PHACTR2: variants seen among roughly 807,000 people sequenced by gnomAD.
The protein encoded by PHACTR2 is phosphatase and actin regulator 2.
Under a neutral mutation model 76.0 loss-of-function variants are expected in PHACTR2, and 30 were observed. The observed-to-expected ratio is 0.39, with a 90% CI of 0.30 to 0.54. The LOEUF (loss-of-function observed/expected upper bound fraction) is 0.54. Among genes scored for constraint, PHACTR2 ranks in the 20% least tolerant of loss-of-function variants. PHACTR2 has a pLI of 0.61. For missense variants in PHACTR2, 696 were observed against 781.1 expected, an observed-to-expected ratio of 0.89 and a Z score of 1.30; for synonymous variants, 292 against 292.5, an observed-to-expected ratio of 1.00 and a Z score of 0.02.
rs76916052 is a variant in PHACTR2, at chr6:143,696,738, A to G, written c.47-15278A>G. On this transcript the variant is annotated intron_variant, in intron 1 of 12. Transcript: ENST00000440869. This position sits in a 1 kb window ranked among gnomAD's most constrained non-coding sequence, Gnocchi z 4.1. ...ACGCAAAGTCATATCAGGGTGACAC[A>G]TAGCTAAAGAGTTAAACAAAACAAA... Among the ~76,000 whole-genome samples the G allele has an allele frequency of 0.024, 3,619 of 152,302 alleles. 161 individuals carry two copies. The highest frequency in any genetic ancestry group is 0.082 in the African/African-American group (3,390 of 41,552).
rs531068104 is a variant in PHACTR2 at position 143,739,683 on chromosome 6, GA to G, written c.215-9301del. Among the ~76,000 whole-genome samples the G allele has an allele frequency of 5.3e-3, 802 of 152,280 alleles. 6 individuals carry two copies. The highest frequency in any genetic ancestry group is 0.018 in the African/African-American group (765 of 41,540). Reference sequence around the variant, plus strand: ...AATCTTCGCTTCTAATTACTCTCCTGAGATTGCTTGTACTTCCTGGCCCTTC... The same window carrying G: ...AATCTTCGCTTCTAATTACTCTCCTGGATTGCTTGTACTTCCTGGCCCTTC... On this transcript the variant is annotated intron_variant, in intron 2 of 12. Transcript: ENST00000440869. The surrounding 1 kb of genome is among the most constrained non-coding windows in gnomAD (Gnocchi z 4.3).
intron 11 of PHACTR2, among the ~76,000 whole-genome samples, chr6:143,790,992 C>T (rs1159269996): frequency 1.3e-5 from 2 of 152,166 alleles, no homozygotes; most frequent in African/African-American, 4.8e-5. Flanking sequence ...GATTCTTAAA[C>T]TTAATACAGT....
rs1348567434 is a variant in PHACTR2 at position 143,598,429 on chromosome 6, A to G, written c.217+61222A>G. The stretch of plus-strand genomic sequence containing the variant: ...TTCAGAACACCTTGATTTGAGCCCT[A>G]CAAGATAAGACTAATTTTGGATTTC... On this transcript the variant is annotated intron_variant, in intron 1 of 11. Coordinates refer to the PHACTR2 transcript ENST00000367584. This position sits in a 1 kb window ranked among gnomAD's most constrained non-coding sequence, Gnocchi z 4.1. Among the ~76,000 whole-genome samples the G allele has an allele frequency of 6.6e-6, 1 of 152,244 alleles. No individual in the cohort carries two copies. Among genetic ancestry groups the G allele is most frequent in the African/African-American group, 2.4e-5 (1 of 41,466 alleles).
chr6:143,563,099 T>C (rs1490270933), intron 1 of PHACTR2, among the ~76,000 whole-genome samples: 7 of 152,222 alleles, frequency 4.6e-5, no homozygotes, highest in Non-Finnish European at 8.8e-5. Context: ...AAATGGTTGA[T>C]GTAGTAAATT....
rs1776075555 is a variant in PHACTR2, at chr6:143,617,468, C to T, written c.13+9146C>T. The stretch of plus-strand genomic sequence containing the variant: ...CCCTGGAAATCTTTTAAATACCCAT[C>T]TCTGTGCCCCACCCTAGACAAATTC... On this transcript the variant is annotated intron_variant, in intron 1 of 11. Transcript: ENST00000305766. This position sits in a 1 kb window ranked among gnomAD's most constrained non-coding sequence, Gnocchi z 4.8. 1.3e-5 allele frequency among the ~76,000 whole-genome samples: 2 copies of T among 152,242 alleles called. No individual in the cohort carries two copies. The highest frequency in any genetic ancestry group is 4.8e-5 in the African/African-American group (2 of 41,462).
intron 1 of PHACTR2, among the ~76,000 whole-genome samples, chr6:143,640,453 C>T (rs1162705379): frequency 6.6e-6 from 1 of 152,094 alleles, no homozygotes; most frequent in African/African-American, 2.4e-5. Flanking sequence ...AGGAGAGCAA[C>T]TTGCTATCTA....
chr6:143,749,241 A>G (rs1418020429), intron 3 of PHACTR2, among the ~76,000 whole-genome samples, 176 bp downstream of exon 3: 1 of 152,172 alleles, frequency 6.6e-6, no homozygotes. Flanking sequence ...AGAATCTGAA[A>G]TATTATAGAA....
In PHACTR2 at chr6:143,680,611, T is replaced by C; in HGVS notation, c.46+2402T>C. On this transcript the variant is annotated intron_variant, in intron 1 of 12. Transcript: ENST00000440869. The surrounding 1 kb of genome is among the most constrained non-coding windows in gnomAD (Gnocchi z 4.5). ...TAGGAAGACCATTAATAATTTTTTC[T>C]GAAAATATGCAGTTAGATCCATTAT... 6.6e-6 allele frequency among the ~76,000 whole-genome samples: 1 copy of C among 152,190 alleles called. No individual in the cohort carries two copies. The highest frequency in any genetic ancestry group is 1.9e-4 in the East Asian group (1 of 5,196).
rs999145708 is a variant in PHACTR2, at chr6:143,710,086, C to G, written c.47-1930C>G. Among the ~76,000 whole-genome samples, 6 of 152,166 alleles carry G rather than the reference C, an allele frequency of 3.9e-5. No homozygotes were observed. The highest frequency in any genetic ancestry group is 8.8e-5 in the Non-Finnish European group (6 of 68,028). On this transcript the variant is annotated intron_variant, in intron 1 of 12. Transcript: ENST00000440869. This position sits in a 1 kb window ranked among gnomAD's most constrained non-coding sequence, Gnocchi z 4.9. ...TAGAGCAGTTATTGTCTAAAAGTTT[C>G]TTATGTTGCTACTCTGCCCCTTTCC...
In PHACTR2 at chr6:143,591,613, C is replaced by G. The variant is rs932875593; in HGVS notation, c.217+54406C>G. Among the ~76,000 whole-genome samples the G allele has an allele frequency of 2.0e-5, 3 of 152,224 alleles. No individual in the cohort carries two copies. The highest frequency in any genetic ancestry group is 6.5e-5 in the Admixed American group (1 of 15,282). On this transcript the variant is annotated intron_variant, in intron 1 of 11. Coordinates refer to the PHACTR2 transcript ENST00000367584. The surrounding 1 kb of genome is among the most constrained non-coding windows in gnomAD (Gnocchi z 6.4). ...GGAGGCATGACACAACAGTGACCTCCATGAACCTCTTGCCTAGGGCTGTGA... is the reference window on the plus strand; with the variant it reads ...GGAGGCATGACACAACAGTGACCTCGATGAACCTCTTGCCTAGGGCTGTGA...
rs1266826174 is a variant in PHACTR2 at position 143,562,470 on chromosome 6, C to G, written c.217+25263C>G. Among the ~76,000 whole-genome samples the G allele has an allele frequency of 6.6e-6, 1 of 152,098 alleles. No individual in the cohort carries two copies. Among genetic ancestry groups the G allele is most frequent in the Non-Finnish European group, 1.5e-5 (1 of 68,006 alleles). On this transcript the variant is annotated intron_variant, in intron 1 of 11. Transcript: ENST00000367584. This position sits in a 1 kb window ranked among gnomAD's most constrained non-coding sequence, Gnocchi z 5.1. The stretch of plus-strand genomic sequence containing the variant: ...CTCACTCACTATTGCAAAGACAGCA[C>G]CAAGCCATGAGGAATCTGCTCCCAT...
In PHACTR2 at chr6:143,820,495, C is replaced by G. The variant is rs1461867013; in HGVS notation, c.1923-3179C>G. Reference sequence around the variant, plus strand: ...ACAGGCCCCATGCAAGTTCAAAACCCAACAAGGCAGTTGTTAAATCATAAA... The same window carrying G: ...ACAGGCCCCATGCAAGTTCAAAACCGAACAAGGCAGTTGTTAAATCATAAA... On this transcript the variant is annotated intron_variant, in intron 12 of 12. Transcript: ENST00000440869. This position sits in a 1 kb window ranked among gnomAD's most constrained non-coding sequence, Gnocchi z 4.2. Among the ~76,000 whole-genome samples, 1 of 152,202 alleles carries G rather than the reference C, an allele frequency of 6.6e-6. No individual in the cohort carries two copies. The highest frequency in any genetic ancestry group is 6.5e-5 in the Admixed American group (1 of 15,284).
At chr6:143,759,934 A>G (rs572591636) in intron 4 of PHACTR2, among the ~76,000 whole-genome samples, 1 of 152,320 alleles carries the variant, frequency 6.6e-6, no homozygotes, top group African/African-American at 2.4e-5. Flanking sequence ...CTCAAGGGTA[A>G]CCATGAGTCC....
chr6:143,563,557 A>AAAAAAAAAC (rs1775313373), intron 1 of PHACTR2, among the ~76,000 whole-genome samples: 3 of 100,332 alleles, frequency 3.0e-5, no homozygotes, highest in South Asian at 4.3e-4. Context: ...GTCTCAAAAA[A>AAAAAAAAAC]AAAAAAAAAA....
chr6:143,702,577 A>G (rs1777939263), intron 1 of PHACTR2, among the ~76,000 whole-genome samples: 1 of 152,098 alleles, frequency 6.6e-6, no homozygotes, highest in Admixed American at 6.5e-5. Context: ...TTCACTAGTT[A>G]ACAATTTGGG....
Position 143,571,465 on chromosome 6 carries a change from T to A in PHACTR2, c.217+34258T>A, listed in dbSNP as rs746621979. ...TCTGTCACCCAGGCTGGTGCAGTGG[T>A]GCAATCATAGCTCACTGTGGCCTCA... On this transcript the variant is annotated intron_variant, in intron 1 of 11. Coordinates refer to the PHACTR2 transcript ENST00000367584. This position sits in a 1 kb window ranked among gnomAD's most constrained non-coding sequence, Gnocchi z 4.6. Among the ~76,000 whole-genome samples the A allele has an allele frequency of 1.3e-5, 2 of 152,192 alleles. No homozygotes were observed. The highest frequency in any genetic ancestry group is 2.9e-5 in the Non-Finnish European group (2 of 68,030).
rs1776790407 is a variant in PHACTR2 at position 143,652,997 on chromosome 6, G to A, written c.13+44675G>A. ...CTGGCAAGCAATAGAAAAGCACCAG[G>A]TGTTCCCAGCAGCGCTCTCTTTCAC... On this transcript the variant is annotated intron_variant, in intron 1 of 11. Transcript: ENST00000305766. The surrounding 1 kb of genome is among the most constrained non-coding windows in gnomAD (Gnocchi z 4.5). Among the ~76,000 whole-genome samples the A allele has an allele frequency of 2.6e-5, 4 of 152,190 alleles. No individual in the cohort carries two copies. The highest frequency in any genetic ancestry group is 2.6e-4 in the Admixed American group (4 of 15,274).
In PHACTR2 at chr6:143,656,081, G is replaced by T. The variant is rs118137070; in HGVS notation, c.13+47759G>T. On this transcript the variant is annotated intron_variant, in intron 1 of 11. Coordinates refer to the PHACTR2 transcript ENST00000305766. This position sits in a 1 kb window ranked among gnomAD's most constrained non-coding sequence, Gnocchi z 5.3. ...TAAAAGAAGCATCAGTGGAGGGAAG[G>T]GTAAATCGTGGGATAAAATACACTC... is the stretch of plus-strand genomic sequence containing the variant. Among the ~76,000 whole-genome samples, 2 of 152,172 alleles carry T rather than the reference G, an allele frequency of 1.3e-5. No homozygotes were observed. The highest frequency in any genetic ancestry group is 2.9e-5 in the Non-Finnish European group (2 of 68,016).
At chr6:143,810,111 G>A (rs571084448) in intron 12 of PHACTR2, among the ~76,000 whole-genome samples, 5 of 150,124 alleles carry the variant, frequency 3.3e-5, no homozygotes, top group East Asian at 2.0e-4. Context: ...ATCCTGTCTC[G>A]AAAAAAAAAT....
Sources: allele counts gnomAD v4.1 joint callset (sites outside exome capture counted in the v4.1 genomes callset), GRCh38; gene constraint gnomAD v4.1.1; non-coding constraint Gnocchi (gnomAD v3.1); transcripts MANE v1.5; gene names NCBI Gene and HGNC (gene_info 2026-07-23, HGNC 2026-07-21).